ATP8B4: variants seen among roughly 807,000 people sequenced by gnomAD.
ATP8B4 encodes probable phospholipid-transporting ATPase IM.
In ATP8B4, 133 loss-of-function variants were observed where a neutral mutation model predicts 145.6. That is an observed-to-expected ratio of 0.91 (90% confidence interval 0.79 to 1.05). The LOEUF (loss-of-function observed/expected upper bound fraction) is 1.05. ATP8B4 is among the 50% of genes least tolerant of loss of function. The pLI is 0.00. For synonymous variants in ATP8B4, 507 were observed against 492.9 expected, an observed-to-expected ratio of 1.03 and a Z score of -0.38; for missense variants, 1,458 against 1,425.2, an observed-to-expected ratio of 1.02 and a Z score of -0.37.
intron 1 of ATP8B4, among the ~76,000 whole-genome samples, chr15:50,165,884 A>C (rs1428729675): frequency 2.0e-5 from 3 of 152,088 alleles, no homozygotes; most frequent in African/African-American, 7.2e-5. Flanking sequence ...AACAGATAAA[A>C]AATTTGAAAA....
At chr15:49,999,643 A>G (rs887052605) in intron 8 of ATP8B4, among the ~76,000 whole-genome samples, 1 of 152,136 alleles carries the variant, frequency 6.6e-6, no homozygotes, top group African/African-American at 2.4e-5. Flanking sequence ...GATAAACTTC[A>G]AAGTGATTTT....
chr15:50,121,574 G>C (rs1041842887), upstream of ATP8B4, among the ~76,000 whole-genome samples: 1 of 152,122 alleles, frequency 6.6e-6, no homozygotes, highest in Non-Finnish European at 1.5e-5. Context: ...GAACAGAGAA[G>C]GATGTCCATC....
chr15:50,047,382 T>C lies in ATP8B4; in HGVS notation c.170A>G (p.Asn57Ser). Reference sequence around the variant, plus strand: ...AATCAGAAGGCAAAGAAAATAGGCATTTGCCACTCTTTGGAACTGTTCAAA... The same window carrying C: ...AATCAGAAGGCAAAGAAAATAGGCACTTGCCACTCTTTGGAACTGTTCAAA... ...NLFEQFQRVANAYFLCLLILQ... is the reference protein window; with the variant it reads ...NLFEQFQRVASAYFLCLLILQ... Residue 57 changes from asparagine to serine, a missense_variant, in exon 4 of 28, where the codon AAT becomes AGT. Coordinates refer to ENST00000284509, the MANE Select transcript of ATP8B4 (RefSeq NM_024837.4). 1 of 1,591,000 alleles carries C rather than the reference T, an allele frequency of 6.3e-7. No homozygotes were observed. The highest frequency in any genetic ancestry group is 1.3e-5 in the African/African-American group (1 of 74,528).
chr15:50,150,267 T>C (rs1298906236), intron 1 of ATP8B4, among the ~76,000 whole-genome samples: 2 of 152,160 alleles, frequency 1.3e-5, no homozygotes, highest in African/African-American at 4.8e-5. Context: ...TTGTGCAAGG[T>C]TGGGAGTTTT....
chr15:50,066,015 A>C (rs2053358714), intron 3 of ATP8B4, among the ~76,000 whole-genome samples: 1 of 151,832 alleles, frequency 6.6e-6, no homozygotes, highest in Non-Finnish European at 1.5e-5. Flanking sequence ...AAAAAAAAAA[A>C]AAAGATTAAA....
chr15:50,176,515 AAAAAT>A (rs1354687598), intron 1 of ATP8B4, among the ~76,000 whole-genome samples: 3 of 152,152 alleles, frequency 2.0e-5, no homozygotes, highest in African/African-American at 7.2e-5. Context: ...TAACTTATGG[AAAAAT>A]AAAATATTTT....
At chr15:49,977,696 T>C (rs1267271909) in intron 12 of ATP8B4, among the ~76,000 whole-genome samples, 1 of 152,136 alleles carries the variant, frequency 6.6e-6, no homozygotes, top group African/African-American at 2.4e-5. Flanking sequence ...TGGTATATTA[T>C]AGAACATCAG....
chr15:50,080,910 G>A (rs1373429203), intron 2 of ATP8B4, among the ~76,000 whole-genome samples: 1 of 152,010 alleles, frequency 6.6e-6, no homozygotes, highest in African/African-American at 2.4e-5. Context: ...TCAGGAGATC[G>A]AGACCATCCT....
chr15:49,903,697 C>G (rs1276544760), intron 20 of ATP8B4, among the ~76,000 whole-genome samples: 2 of 152,110 alleles, frequency 1.3e-5, no homozygotes. Flanking sequence ...AGTTCAAGAC[C>G]AGCCTGAACA....
chr15:50,134,269 A>T (rs944206590), intron 1 of ATP8B4, among the ~76,000 whole-genome samples: 1 of 152,200 alleles, frequency 6.6e-6, no homozygotes. Context: ...GAAATAAAAC[A>T]TAATGTAAAA....
Position 50,048,674 on chromosome 15 carries a change from C to G in ATP8B4, c.88-1210G>C, listed in dbSNP as rs563161004. 7.3e-5 allele frequency among the ~76,000 whole-genome samples: 11 copies of G among 150,578 alleles called. No homozygotes were observed. In the South Asian group the frequency reaches 1.5e-3, roughly 20 times the overall value. Reference sequence around the variant, plus strand: ...AGTGAGCCGGAATTGCACCACTGCACTCCAGCCTGGGTGATGGAGCAAGAC... The same window carrying G: ...AGTGAGCCGGAATTGCACCACTGCAGTCCAGCCTGGGTGATGGAGCAAGAC... On this transcript the variant is annotated intron_variant, in intron 3 of 27. Coordinates refer to ENST00000284509, the MANE Select transcript of ATP8B4 (RefSeq NM_024837.4).
At chr15:50,095,931 C>A (rs542352211) in intron 2 of ATP8B4, among the ~76,000 whole-genome samples, 2 of 152,272 alleles carry the variant, frequency 1.3e-5, no homozygotes, top group African/African-American at 4.8e-5. Flanking sequence ...TTTTCTTATT[C>A]TGTGCAATCT....
chr15:50,108,190 T>A (rs1458007244), intron 1 of ATP8B4, among the ~76,000 whole-genome samples: 1 of 151,624 alleles, frequency 6.6e-6, no homozygotes, highest in Non-Finnish European at 1.5e-5. Context: ...AGACCATCCC[T>A]CCTAGCCCCG....
intron 2 of ATP8B4, among the ~76,000 whole-genome samples, chr15:50,077,290 C>A (rs1285658941): frequency 6.6e-6 from 1 of 152,230 alleles, no homozygotes; most frequent in Non-Finnish European, 1.5e-5. Context: ...TTGAGTCTGT[C>A]TTTTTCCTCC....
intron 4 of ATP8B4, 92 bp downstream of exon 4, chr15:50,047,259 C>T (rs192572976): frequency 1.0e-5 from 8 of 772,852 alleles, no homozygotes; most frequent in South Asian, 3.3e-5. Context: ...TACCTAATCA[C>T]GAACATTTAG....
At chr15:50,087,413 A>G (rs1357054517) in intron 2 of ATP8B4, among the ~76,000 whole-genome samples, 3 of 146,102 alleles carry the variant, frequency 2.1e-5, no homozygotes, top group Non-Finnish European at 4.5e-5. Flanking sequence ...TTTATTATAT[A>G]TTACATATCA....
intron 23 of ATP8B4, among the ~76,000 whole-genome samples, chr15:49,882,568 T>C (rs994868260): frequency 1.3e-5 from 2 of 152,222 alleles, no homozygotes; most frequent in Non-Finnish European, 2.9e-5. Flanking sequence ...CAAAGAATTA[T>C]AACTATATCC....
rs1431426103 is a variant in ATP8B4, at chr15:49,860,300, C to G, written c.3473G>C (p.Gly1158Ala). 2.5e-6 allele frequency: 4 copies of G among 1,614,042 alleles called. No homozygotes were observed. The highest frequency in any genetic ancestry group is 2.5e-6 in the Non-Finnish European group (3 of 1,179,992). Residue 1158 changes from glycine (G) to alanine (A), a missense_variant, in exon 28 of 28, where the codon GGG becomes GCG. By Grantham distance (60) the Gly-to-Ala change is moderately conservative (BLOSUM62 0). Transcript: ENST00000284509. ...MRAKNPPPTS[G>A]LEKTHYNSTS... ...GCTATTATAATGTGTCTTTTCCAGCCCTGATGTTGGGGGTGGATTTTTAGC... is the reference window on the plus strand; with the variant it reads ...GCTATTATAATGTGTCTTTTCCAGCGCTGATGTTGGGGGTGGATTTTTAGC...
At chr15:49,974,522 G>A (rs1038599061) in intron 12 of ATP8B4, among the ~76,000 whole-genome samples, 2 of 151,770 alleles carry the variant, frequency 1.3e-5, no homozygotes, top group Non-Finnish European at 2.9e-5. Context: ...ACCACAGCTG[G>A]CTGATTGTCT....
Sources: allele counts gnomAD v4.1 joint callset (sites outside exome capture counted in the v4.1 genomes callset), GRCh38; gene constraint gnomAD v4.1.1; transcripts MANE v1.5; gene names NCBI Gene and HGNC (gene_info 2026-07-23, HGNC 2026-07-21).